The following KREMEN1 variants were observed in gnomAD, a reference collection of about 807,000 sequenced individuals.
KREMEN1 encodes the protein kringle containing transmembrane protein 1.
Under a neutral mutation model 46.5 loss-of-function variants are expected in KREMEN1, and 30 were observed. The ratio of observed to expected loss-of-function variants is 0.65; its 90% CI spans 0.48 to 0.88. The LOEUF is 0.88. Ranked by LOEUF, KREMEN1 falls within the 40% of genes least tolerant of loss-of-function variation. KREMEN1 has a pLI of 0.00. For missense variants in KREMEN1, 533 were observed against 596.9 expected (o/e 0.89, Z 1.11); for synonymous variants, 214 against 230.6 (o/e 0.93, Z 0.65).
intron 3 of KREMEN1, among the ~76,000 whole-genome samples, chr22:29,100,167 C>T (rs1401492725): frequency 6.7e-6 from 1 of 149,736 alleles, no homozygotes; most frequent in Non-Finnish European, 1.5e-5. Context: ...TCTCAACTCA[C>T]TGCAACGGCG....
chr22:29,147,802 C>T (rs1014372135), downstream of KREMEN1, among the ~76,000 whole-genome samples: 4 of 152,148 alleles, frequency 2.6e-5, no homozygotes, highest in Non-Finnish European at 5.9e-5. Flanking sequence ...GGCAGGGGCA[C>T]GTGCATGGGG....
intron 8 of KREMEN1, among the ~76,000 whole-genome samples, chr22:29,140,570 G>A (rs1481395029): frequency 6.6e-6 from 1 of 152,212 alleles, no homozygotes; most frequent in Non-Finnish European, 1.5e-5. Context: ...AGGTTTCAGG[G>A]ATTTTGTTTG....
Position 29,115,179 on chromosome 22 carries a change from A to G in KREMEN1, c.353-6178A>G, listed in dbSNP as rs1427311650. On this transcript the variant is annotated intron_variant, in intron 3 of 8. Transcript: ENST00000400335. ...TTATATTCCAAGTGTGAAGGAACTC[A>G]GGAATGGAAAACCAAACATTGTATG... Among the ~76,000 whole-genome samples, 5 of 150,988 alleles carry G rather than the reference A, an allele frequency of 3.3e-5. No homozygotes were observed. The East Asian group carries it at 9.6e-4, about 29-fold the overall frequency.
downstream of KREMEN1, among the ~76,000 whole-genome samples, chr22:29,148,608 C>T (rs549860263): frequency 5.9e-5 from 9 of 152,160 alleles, no homozygotes; most frequent in African/African-American, 1.9e-4. Flanking sequence ...GCGCCCGCCA[C>T]CACGCCCAGC....
chr22:29,148,324 G>T (rs1293832789), downstream of KREMEN1, among the ~76,000 whole-genome samples: 2 of 152,164 alleles, frequency 1.3e-5, no homozygotes, highest in South Asian at 2.1e-4. Flanking sequence ...CCCTCAGAAG[G>T]CTATGGGGGA....
At chr22:29,094,526 T>C in intron 2 of KREMEN1, 106 bp downstream of exon 2, 1 of 868,592 alleles carries the variant, frequency 1.2e-6, no homozygotes, top group Non-Finnish European at 1.7e-6. Context: ...TTTGACCAAC[T>C]CAAGAGACTT....
At chr22:29,113,308 T>C (rs1369988188) in intron 3 of KREMEN1, among the ~76,000 whole-genome samples, 1 of 152,232 alleles carries the variant, frequency 6.6e-6, no homozygotes, top group African/African-American at 2.4e-5. Context: ...GTGAGCTGAC[T>C]TATGTGAAAA....
rs1255355225 is a variant in KREMEN1, at chr22:29,073,212, C to G, written c.82C>G (p.Leu28Val). 8.4e-7 allele frequency: 1 copy of G among 1,183,934 alleles called. No individual in the cohort carries two copies. The highest frequency in any genetic ancestry group is 1.6e-5 in the African/African-American group (1 of 61,994). The allele number at this position is 1,183,934 out of a possible 1,614,324, so 73.3% of individuals were successfully genotyped here. ...GGCCCGGCCCGCGCCTAGCCCCGGC[C>G]TCGGCCCCGGACCCGGTGAGTGTGA... ...LAARPAPSPG[L>V]GPGPECFTAN... Residue 28 changes from leucine (L) to valine (V), a missense_variant, in exon 1 of 9, where the codon CTC becomes GTC. By Grantham distance (32) the Leu-to-Val change is conservative (BLOSUM62 1). Coordinates refer to ENST00000400335, the MANE Select transcript of KREMEN1 (RefSeq NM_001039570.3). This position sits in a 1 kb window ranked among gnomAD's most constrained non-coding sequence, Gnocchi z 4.4.
At chr22:29,099,169 C>G (rs2037934273) in intron 3 of KREMEN1, 1 of 497,384 alleles carries the variant, frequency 2.0e-6, no homozygotes, top group South Asian at 2.5e-5. Flanking sequence ...TAAAGGTATT[C>G]CCTTGATGGG....
intron 1 of KREMEN1, among the ~76,000 whole-genome samples, chr22:29,078,942 T>G (rs2145734046): frequency 6.6e-6 from 1 of 152,340 alleles, no homozygotes; most frequent in South Asian, 2.1e-4. Flanking sequence ...TATATTCAGT[T>G]TGACCTTGAG....
At chr22:29,109,511 G>GTGGC (rs1246872064) in intron 3 of KREMEN1, among the ~76,000 whole-genome samples, 1 of 152,206 alleles carries the variant, frequency 6.6e-6, no homozygotes, top group African/African-American at 2.4e-5. Flanking sequence ...TGGAAGAAAG[G>GTGGC]TGGCTGGTGG....
chr22:29,080,134 C>A (rs1003337879), intron 1 of KREMEN1, among the ~76,000 whole-genome samples: 1 of 152,174 alleles, frequency 6.6e-6, no homozygotes, highest in African/African-American at 2.4e-5. Context: ...GGGGCTTTCC[C>A]CTTCCCTTTC....
chr22:29,087,092 A>G (rs548029115), intron 1 of KREMEN1, among the ~76,000 whole-genome samples: 1 of 152,274 alleles, frequency 6.6e-6, no homozygotes, highest in African/African-American at 2.4e-5. Context: ...CCTAAACCTT[A>G]GATTTCTATA....
intron 5 of KREMEN1, among the ~76,000 whole-genome samples, chr22:29,132,839 T>C (rs1430252086): frequency 6.6e-6 from 1 of 152,246 alleles, no homozygotes; most frequent in Non-Finnish European, 1.5e-5. Flanking sequence ...CTTTCAGTAC[T>C]TCAAAGATAT....
At position 29,125,285 on chromosome 22, in the gene KREMEN1, A is replaced by G. The variant is rs774077658; in HGVS notation, c.500A>G (p.Tyr167Cys). Residue 167 changes from tyrosine (Y) to cysteine (C), a missense_variant, in exon 5 of 9, where the codon TAT becomes TGT. Tyr to Cys is a radical substitution (Grantham distance 194). Coordinates refer to ENST00000400335, the MANE Select transcript of KREMEN1 (RefSeq NM_001039570.3). ...RFKFAGMESG[Y>C]ACFCGNNPDY... is the part of the protein sequence containing the mutation. ...CAGTTTGCTGGGATGGAGTCAGGCTATGCTTGCTTCTGTGGAAACAATCCT... is the reference window on the plus strand; with the variant it reads ...CAGTTTGCTGGGATGGAGTCAGGCTGTGCTTGCTTCTGTGGAAACAATCCT... The G allele has an allele frequency of 7.3e-5, 118 of 1,614,052 alleles. No homozygotes were observed. The highest frequency in any genetic ancestry group is 9.4e-5 in the Non-Finnish European group (111 of 1,180,020).
chr22:29,096,736 T>C (rs1881234564), intron 2 of KREMEN1, among the ~76,000 whole-genome samples: 1 of 151,996 alleles, frequency 6.6e-6, no homozygotes, highest in Admixed American at 6.6e-5. Flanking sequence ...CTTTTCAATA[T>C]GGTTTTGACA....
intron 1 of KREMEN1, among the ~76,000 whole-genome samples, chr22:29,092,876 G>A (rs886853604): frequency 1.4e-4 from 22 of 152,202 alleles, no homozygotes; most frequent in African/African-American, 5.3e-4. Context: ...TAGGGAGGCC[G>A]AGGCAGGAGA....
intron 9 of KREMEN1, among the ~76,000 whole-genome samples, chr22:29,155,946 T>G (rs2038957462): frequency 8.0e-6 from 1 of 125,714 alleles, no homozygotes; most frequent in Non-Finnish European, 1.7e-5. Flanking sequence ...GCAACAAGAG[T>G]GAAACTCCAT....
chr22:29,149,744 T>A (rs1165213354), downstream of KREMEN1, among the ~76,000 whole-genome samples: 2 of 152,170 alleles, frequency 1.3e-5, no homozygotes, highest in Admixed American at 1.3e-4. Flanking sequence ...CTCAAACCCA[T>A]CTGAGTGGAC....
Sources: gnomAD v4.1 joint callset for allele counts (sites outside exome capture counted in the v4.1 genomes callset) on GRCh38, gnomAD v4.1.1 for gene constraint, Gnocchi (gnomAD v3.1) non-coding constraint, MANE v1.5 for transcripts, NCBI Gene and HGNC (gene_info 2026-07-23, HGNC 2026-07-21) for gene names.